ARHGAP29: variants seen among roughly 807,000 people sequenced by gnomAD.
ARHGAP29 encodes Rho GTPase activating protein 29.
A neutral mutation model predicts 122.6 loss-of-function variants in ARHGAP29; 43 were observed. The observed-to-expected ratio is 0.35, with a 90% CI of 0.27 to 0.45. The LOEUF (loss-of-function observed/expected upper bound fraction) is 0.45. Among genes scored for constraint, ARHGAP29 ranks in the 20% least tolerant of loss-of-function variants. ARHGAP29 has a pLI of 1.00. For synonymous variants in ARHGAP29, 506 were observed against 497.1 expected, an observed-to-expected ratio of 1.02 and a Z score of -0.24; for missense variants, 1,303 against 1,477.2, an observed-to-expected ratio of 0.88 and a Z score of 1.93.
chr1:94,189,676 C>T (rs1650018604), intron 13 of ARHGAP29, among the ~76,000 whole-genome samples: 1 of 152,064 alleles, frequency 6.6e-6, no homozygotes, highest in African/African-American at 2.4e-5. Context: ...GTATGGCCAT[C>T]ATATGCCATT....
At chr1:94,236,687 T>C in intron 1 of ARHGAP29, among the ~76,000 whole-genome samples, 1 of 152,098 alleles carries the variant, frequency 6.6e-6, no homozygotes, top group South Asian at 2.1e-4. Flanking sequence ...CAAAAAATTT[T>C]TTTTTTTAAT....
intron 11 of ARHGAP29, 82 bp downstream of exon 11, chr1:94,202,462 G>C: frequency 6.6e-7 from 1 of 1,526,464 alleles, no homozygotes; most frequent in Admixed American, 1.7e-5. Flanking sequence ...AGGCAGTCTT[G>C]GCAGACGCAG....
chr1:94,188,819 A>T lies in ARHGAP29; in HGVS notation c.1681+18T>A, dbSNP rs1416938690. 1.3e-6 allele frequency: 2 copies of T among 1,589,104 alleles called. No individual in the cohort carries two copies. The highest frequency in any genetic ancestry group is 1.4e-5 in the African/African-American group (1 of 74,044). ...TCTTTCAATGAGTTTTCATTGCCAG[A>T]CTTAAATATAGATGTACCTGGACTT... On this transcript the variant is annotated intron_variant, in intron 15 of 22. Coordinates refer to ENST00000260526, the MANE Select transcript of ARHGAP29 (RefSeq NM_004815.4).
At chr1:94,278,261 G>A (rs1337555236), upstream of ARHGAP29, among the ~76,000 whole-genome samples, 1 of 152,126 alleles carries the variant, frequency 6.6e-6, no homozygotes, top group East Asian at 1.9e-4. Flanking sequence ...GGAGTTTATA[G>A]TGGGCTATGA....
intron 2 of ARHGAP29, among the ~76,000 whole-genome samples, chr1:94,227,039 T>C (rs1652652261): frequency 6.6e-6 from 1 of 151,860 alleles, no homozygotes; most frequent in South Asian, 2.1e-4. Context: ...ACTGAGTTAA[T>C]CCACAAGACA....
chr1:94,247,318 A>G (rs1167593900), intron 1 of ARHGAP29, among the ~76,000 whole-genome samples: 2 of 151,894 alleles, frequency 1.3e-5, no homozygotes, highest in Non-Finnish European at 2.9e-5. Flanking sequence ...TAAGGGGAGG[A>G]AAGTCCACCC....
At chr1:94,288,967 T>C in the ARHGAP29 span, among the ~76,000 whole-genome samples, 1 of 152,310 alleles carries the variant, frequency 6.6e-6, no homozygotes, top group Non-Finnish European at 1.5e-5. Context: ...TTGACTTGGC[T>C]ATGTGGGCTC....
rs761200097 is a variant in ARHGAP29 at position 94,174,443 on chromosome 1, C to A, written c.3212G>T (p.Gly1071Val). The A allele has an allele frequency of 1.1e-5, 17 of 1,614,098 alleles. No individual in the cohort carries two copies. The highest frequency in any genetic ancestry group is 2.2e-5 in the East Asian group (1 of 44,874). ...AATTVCSKFNGFDQQTLQKIQ... is the reference protein window; with the variant it reads ...AATTVCSKFNVFDQQTLQKIQ... ...TTTCTGTAGAGTTTGCTGGTCAAAG[C>A]CATTAAATTTGGAACAAACAGTAGT... is the stretch of plus-strand genomic sequence containing the variant. Residue 1071 changes from glycine to valine, a missense_variant, in exon 23 of 23, where the codon GGC becomes GTC. Coordinates refer to ENST00000260526, the MANE Select transcript of ARHGAP29 (RefSeq NM_004815.4).
chr1:94,185,466 C>A lies in ARHGAP29; in HGVS notation c.1796G>T (p.Gly599Val), dbSNP rs1649740880. The change falls in exon 17 of 23, where the codon GGA (glycine) becomes GTA (valine). Residue 599 changes from glycine (G) to valine (V), a missense_variant. Transcript: ENST00000260526. ...SPSETGPNSLGTFKKTLMSKA... is the reference protein window; with the variant it reads ...SPSETGPNSLVTFKKTLMSKA... ...TGACATCAATGTTTTCTTAAATGTT[C>A]CAAGGGAATTGGGTCCTTGCAAGAG... 1.9e-6 allele frequency: 3 copies of A among 1,606,764 alleles called. No homozygotes were observed. The highest frequency in any genetic ancestry group is 2.2e-5 in the South Asian group (2 of 89,056).
chr1:94,271,562 T>C (rs1311484933), intron 1 of ARHGAP29, among the ~76,000 whole-genome samples: 1 of 152,218 alleles, frequency 6.6e-6, no homozygotes, highest in African/African-American at 2.4e-5. Context: ...TCCTGGGCAA[T>C]GACCAGTAGC....
At chr1:94,208,748 C>A in intron 5 of ARHGAP29, 84 bp downstream of exon 5, 1 of 1,378,350 alleles carries the variant, frequency 7.3e-7, no homozygotes, top group Admixed American at 1.7e-5. Flanking sequence ...GTATGAGCCA[C>A]CACCCCCGGC....
intron 3 of ARHGAP29, 33 bp from the exon 4 acceptor site, chr1:94,209,383 A>C: frequency 7.3e-7 from 1 of 1,371,694 alleles, no homozygotes. Context: ...ATAAGGAAAA[A>C]CATACTTTAA....
At chr1:94,190,207 C>T (rs1650054201) in intron 12 of ARHGAP29, 124 bp from the exon 13 acceptor site, 1 of 947,402 alleles carries the variant, frequency 1.1e-6, no homozygotes, top group East Asian at 2.7e-5. Context: ...CACTGAATAT[C>T]ACTCTGAACA....
At chr1:94,245,898 A>T (rs576719778) in intron 1 of ARHGAP29, among the ~76,000 whole-genome samples, 2 of 152,220 alleles carry the variant, frequency 1.3e-5, no homozygotes, top group South Asian at 2.1e-4. Flanking sequence ...GTGGCTATAA[A>T]AGCCCATGTT....
Position 94,185,027 on chromosome 1 carries a change from T to A in ARHGAP29, c.1954A>T (p.Asn652Tyr), listed in dbSNP as rs779696568. Residue 652 changes from asparagine to tyrosine, a missense_variant, in exon 18 of 23, where the codon AAT becomes TAT. Asn to Tyr is a moderately radical substitution (Grantham distance 143). This residue lies in a region of ARHGAP29 where 91 missense variants were observed against 177.8 expected (regional missense o/e 0.51). Coordinates refer to ENST00000260526, the MANE Select transcript of ARHGAP29 (RefSeq NM_004815.4). ...LLVCHRKCLE[N>Y]LVIICGHQKL... ...TGATGACCACAAATAATGACTAAAT[T>A]TTCCAAACACTTTCGATGACAAACA... 1.2e-6 allele frequency: 2 copies of A among 1,612,156 alleles called. No homozygotes were observed. Among genetic ancestry groups the A allele is most frequent in the Non-Finnish European group, 1.7e-6 (2 of 1,179,438 alleles).
the ARHGAP29 span, among the ~76,000 whole-genome samples, chr1:94,291,075 G>T: frequency 1.3e-5 from 2 of 152,122 alleles, no homozygotes; most frequent in South Asian, 4.1e-4. Context: ...AGGTCTCTAA[G>T]GACTTGCTTT....
upstream of ARHGAP29, among the ~76,000 whole-genome samples, chr1:94,240,716 C>G (rs1240579202): frequency 6.6e-6 from 1 of 152,148 alleles, no homozygotes; most frequent in Non-Finnish European, 1.5e-5. Flanking sequence ...CCTTCTCAAA[C>G]AGAAATTCAC....
At position 94,203,812 on chromosome 1, in the gene ARHGAP29, A is replaced by G. The variant is rs139076435; in HGVS notation, c.762+118T>C. On this transcript the variant is annotated intron_variant, in intron 8 of 22. Coordinates refer to ENST00000260526, the MANE Select transcript of ARHGAP29 (RefSeq NM_004815.4). ...TAAACTTAAAATAATTTTGTCAATAAAAAGATCAGCATTTAAGTGCTTTCC... is the reference window on the plus strand; with the variant it reads ...TAAACTTAAAATAATTTTGTCAATAGAAAGATCAGCATTTAAGTGCTTTCC... The G allele has an allele frequency of 9.5e-3, 7,527 of 789,636 alleles. 62 individuals carry two copies. The highest frequency in any genetic ancestry group is 0.02 in the Admixed American group (748 of 37,382). The allele number at this position is 789,636 out of a possible 1,614,324, so 48.9% of individuals were successfully genotyped here. A position where few individuals can be genotyped will look rare whatever the true frequency, so the allele number is the denominator to read the frequency against.
intron 12 of ARHGAP29, chr1:94,194,035 G>A (rs1376095966): frequency 6.6e-6 from 1 of 152,112 alleles, no homozygotes; most frequent in Non-Finnish European, 1.5e-5. Context: ...TGATGCTTCT[G>A]TGTTCCACTT....
Sources: allele counts gnomAD v4.1 joint callset (sites outside exome capture counted in the v4.1 genomes callset), GRCh38; gene constraint gnomAD v4.1.1; regional missense constraint gnomAD v4.1.1; transcripts MANE v1.5; gene names NCBI Gene and HGNC (gene_info 2026-07-23, HGNC 2026-07-21).